CRTAC1: variants seen among roughly 807,000 people sequenced by gnomAD.
CRTAC1 encodes cartilage acidic protein 1, also known as acidic secreted protein in cartilage.
Under a neutral mutation model 67.8 loss-of-function variants are expected in CRTAC1, and 37 were observed. The ratio of observed to expected loss-of-function variants is 0.55; its 90% CI spans 0.42 to 0.72. CRTAC1 has a LOEUF of 0.72. CRTAC1 is among the 30% of genes least tolerant of loss of function. CRTAC1 has a pLI of 0.00. For synonymous variants in CRTAC1, 348 were observed against 371.0 expected (o/e 0.94, Z 0.71); for missense variants, 780 against 931.6 (o/e 0.84, Z 2.12).
chr10:97,899,510 C>T (rs2050504144), intron 8 of CRTAC1, among the ~76,000 whole-genome samples: 1 of 152,176 alleles, frequency 6.6e-6, no homozygotes, highest in Non-Finnish European at 1.5e-5. Context: ...GCTCAGGCCT[C>T]GTCCTCCTGG....
At chr10:97,902,326 G>A (rs1467864110) in intron 7 of CRTAC1, among the ~76,000 whole-genome samples, 1 of 152,210 alleles carries the variant, frequency 6.6e-6, no homozygotes, top group African/African-American at 2.4e-5. Flanking sequence ...CCTGCCTCAG[G>A]GAAGGTGAAA....
intron 11 of CRTAC1, among the ~76,000 whole-genome samples, chr10:97,894,298 G>C (rs2050419163): frequency 6.6e-6 from 1 of 152,134 alleles, no homozygotes; most frequent in South Asian, 2.1e-4. Flanking sequence ...TGGTATTGTT[G>C]CTATTTTTAA....
chr10:98,016,936 A>C (rs1457816639), intron 1 of CRTAC1, among the ~76,000 whole-genome samples: 1 of 152,204 alleles, frequency 6.6e-6, no homozygotes, highest in Non-Finnish European at 1.5e-5. Flanking sequence ...TGCCTGAAAC[A>C]GAAGAGCAGC....
At chr10:97,912,406 C>T (rs139863078) in intron 5 of CRTAC1, among the ~76,000 whole-genome samples, 142 of 152,246 alleles carry the variant, frequency 9.3e-4, no homozygotes, top group Non-Finnish European at 1.6e-3. Flanking sequence ...CTTGGAGGTC[C>T]CCATTTCCCC....
At chr10:98,021,173 C>T (rs1843111987) in intron 1 of CRTAC1, among the ~76,000 whole-genome samples, 1 of 152,178 alleles carries the variant, frequency 6.6e-6, no homozygotes. Context: ...CACCCTGTCC[C>T]CCACCCTTGT....
At chr10:97,968,579 C>T (rs1170142402) in intron 2 of CRTAC1, among the ~76,000 whole-genome samples, 5 of 152,098 alleles carry the variant, frequency 3.3e-5, no homozygotes, top group African/African-American at 1.2e-4. Flanking sequence ...AGGATCTAGT[C>T]GGGGTAAATG....
In CRTAC1 at chr10:97,904,914, C is replaced by T. The variant is rs190148520; in HGVS notation, c.851-100G>A. 58 of 1,355,288 alleles carry T rather than the reference C, an allele frequency of 4.3e-5. No homozygotes were observed. In the African/African-American group the frequency reaches 7.5e-4, roughly 18 times the overall value. 84.0% of individuals were successfully genotyped at this position (1,355,288 alleles called of 1,614,324 possible). A position where few individuals can be genotyped will look rare whatever the true frequency, so the allele number is the denominator to read the frequency against. ...TGTGACAAGCAACTAGGGAGGGTGA[C>T]TCTCATCTTGTTCCCGGGAGGAGAT... On this transcript the variant is annotated intron_variant, in intron 6 of 14. Coordinates refer to ENST00000370597, the MANE Select transcript of CRTAC1 (RefSeq NM_018058.7).
chr10:98,030,350 C>T lies in CRTAC1; in HGVS notation c.24+99G>A, dbSNP rs1217303118. 4.1e-6 allele frequency: 3 copies of T among 739,538 alleles called. No homozygotes were observed. Among genetic ancestry groups the T allele is most frequent in the Non-Finnish European group, 5.7e-6 (3 of 529,376 alleles). 45.8% of individuals were successfully genotyped at this position (739,538 alleles called of 1,614,324 possible). ...ATCCCAGTCTTCCCGGGTTCCCGGG[C>T]GGCGTCCCCGCCACCCTTGCGGGCG... On this transcript the variant is annotated intron_variant, in intron 1 of 14. Transcript: ENST00000370597. The surrounding 1 kb of genome is among the most constrained non-coding windows in gnomAD (Gnocchi z 4.2).
At chr10:97,948,843 G>GGGAA (rs2051305409) in intron 2 of CRTAC1, among the ~76,000 whole-genome samples, 1 of 152,220 alleles carries the variant, frequency 6.6e-6, no homozygotes, top group South Asian at 2.1e-4. Context: ...ATGGAGGAAG[G>GGGAA]GGAAGCAAAC....
At chr10:97,987,108 C>T (rs2051995137) in intron 2 of CRTAC1, among the ~76,000 whole-genome samples, 1 of 152,158 alleles carries the variant, frequency 6.6e-6, no homozygotes, top group Non-Finnish European at 1.5e-5. Flanking sequence ...TTAAAGATAT[C>T]ACAAGAAAAA....
At chr10:98,022,121 C>T (rs564130734) in intron 1 of CRTAC1, among the ~76,000 whole-genome samples, 3 of 152,052 alleles carry the variant, frequency 2.0e-5, no homozygotes, top group African/African-American at 7.2e-5. Flanking sequence ...TTTGGGAGGC[C>T]GAGGCGGGCA....
rs767520670 is a variant in CRTAC1 at position 97,882,760 on chromosome 10, T to C, written c.1675+26A>G. 11 of 1,613,526 alleles carry C rather than the reference T, an allele frequency of 6.8e-6. No homozygotes were observed. The South Asian group carries it at 1.2e-4, about 18-fold the overall frequency. On this transcript the variant is annotated intron_variant, in intron 13 of 14. Transcript: ENST00000370597. Reference sequence around the variant, plus strand: ...CAGGGAGATTCCGGCCTCTACCCCATGCCCTGGTGACTGAAGGCAACTCAC... The same window carrying C: ...CAGGGAGATTCCGGCCTCTACCCCACGCCCTGGTGACTGAAGGCAACTCAC...
chr10:97,875,158 A>G (rs1403277725), intron 14 of CRTAC1, among the ~76,000 whole-genome samples: 2 of 152,220 alleles, frequency 1.3e-5, no homozygotes, highest in South Asian at 2.1e-4. Context: ...GGAGCTAGTC[A>G]TGAGGTTGAA....
In CRTAC1 at chr10:98,030,200, A is replaced by G. The variant is rs1374988911; in HGVS notation, c.24+249T>C. On this transcript the variant is annotated intron_variant, in intron 1 of 14. Coordinates refer to ENST00000370597, the MANE Select transcript of CRTAC1 (RefSeq NM_018058.7). The surrounding 1 kb of genome is among the most constrained non-coding windows in gnomAD (Gnocchi z 4.2). ...CTGCTGGCTGTCGCCCCCACACATCAGCTCCCACCTCTCCGCCACCTCCAA... is the reference window on the plus strand; with the variant it reads ...CTGCTGGCTGTCGCCCCCACACATCGGCTCCCACCTCTCCGCCACCTCCAA... Among the ~76,000 whole-genome samples the G allele has an allele frequency of 6.7e-6, 1 of 149,184 alleles. No homozygotes were observed. The highest frequency in any genetic ancestry group is 1.5e-5 in the Non-Finnish European group (1 of 67,236).
chr10:97,894,738 A>G (rs1590189283), intron 11 of CRTAC1, among the ~76,000 whole-genome samples: 1 of 38,112 alleles, frequency 2.6e-5, no homozygotes, highest in Non-Finnish European at 5.6e-5. Context: ...ATATATATAT[A>G]TATATATATA....
intron 14 of CRTAC1, 90 bp from the exon 15 acceptor site, chr10:97,865,804 C>T: frequency 7.8e-7 from 1 of 1,273,960 alleles, no homozygotes; most frequent in Non-Finnish European, 1.1e-6. Context: ...ATTCTTTGGG[C>T]TCACCCTGCT....
At chr10:97,913,603 T>C (rs2050719623) in intron 5 of CRTAC1, among the ~76,000 whole-genome samples, 2 of 152,172 alleles carry the variant, frequency 1.3e-5, no homozygotes, top group African/African-American at 4.8e-5. Flanking sequence ...AAACGCAATG[T>C]TCCCCCCGAT....
intron 2 of CRTAC1, among the ~76,000 whole-genome samples, chr10:97,952,130 A>T (rs922557266): frequency 1.3e-5 from 2 of 152,128 alleles, no homozygotes; most frequent in Admixed American, 6.5e-5. Flanking sequence ...AGGCGGGCAG[A>T]TCACAAGGTC....
At chr10:97,875,471 C>A (rs1008901809) in intron 14 of CRTAC1, among the ~76,000 whole-genome samples, 6 of 152,224 alleles carry the variant, frequency 3.9e-5, no homozygotes, top group Non-Finnish European at 7.3e-5. Context: ...GAGAGGCTGG[C>A]GTCATCTGTG....
Sources: allele counts gnomAD v4.1 joint callset (sites outside exome capture counted in the v4.1 genomes callset), GRCh38; gene constraint gnomAD v4.1.1; non-coding constraint Gnocchi (gnomAD v3.1); transcripts MANE v1.5; gene names NCBI Gene and HGNC (gene_info 2026-07-23, HGNC 2026-07-21).